MALRD1: variants seen among roughly 807,000 people sequenced by gnomAD.
MALRD1 encodes MAM and LDL receptor class A domain containing 1.
A neutral mutation model predicts 242.1 loss-of-function variants in MALRD1; 247 were observed. The observed-to-expected ratio is 1.02, with a 90% CI of 0.92 to 1.13. MALRD1 has a LOEUF of 1.13. Among genes scored for constraint, MALRD1 ranks in the 50% most tolerant of loss-of-function variants. The pLI is 0.00. For synonymous variants in MALRD1, 995 were observed against 866.6 expected, an observed-to-expected ratio of 1.15 and a Z score of -2.60; for missense variants, 2,989 against 2,533.1, an observed-to-expected ratio of 1.18 and a Z score of -3.86.
chr10:19,604,824 A>G (rs1024617970), intron 34 of MALRD1, among the ~76,000 whole-genome samples: 5 of 152,160 alleles, frequency 3.3e-5, no homozygotes, highest in African/African-American at 9.6e-5. Flanking sequence ...TAACATTTAT[A>G]TGCACTGGGA....
intron 31 of MALRD1, among the ~76,000 whole-genome samples, chr10:19,519,371 C>A (rs533148494): frequency 6.6e-6 from 1 of 152,192 alleles, no homozygotes; most frequent in Non-Finnish European, 1.5e-5. Flanking sequence ...AGGAGAATGA[C>A]AAACTATTAG....
intron 28 of MALRD1, among the ~76,000 whole-genome samples, chr10:19,402,238 C>T (rs1846889135): frequency 6.6e-6 from 1 of 152,114 alleles, no homozygotes; most frequent in African/African-American, 2.4e-5. Context: ...AAACTTGAGT[C>T]CCAGAGATTG....
At chr10:19,251,682 C>G (rs1451874857) in intron 18 of MALRD1, among the ~76,000 whole-genome samples, 1 of 151,866 alleles carries the variant, frequency 6.6e-6, no homozygotes, top group Non-Finnish European at 1.5e-5. Context: ...AATGGCAAAC[C>G]CAAATAACTA....
chr10:19,549,806 A>G (rs1835402572), intron 32 of MALRD1, among the ~76,000 whole-genome samples: 1 of 152,202 alleles, frequency 6.6e-6, no homozygotes, highest in Non-Finnish European at 1.5e-5. Flanking sequence ...TAAAGACATT[A>G]AGTAACTTGG....
At chr10:19,729,093 A>G (rs539883705) in intron 38 of MALRD1, among the ~76,000 whole-genome samples, 27 of 152,300 alleles carry the variant, frequency 1.8e-4, no homozygotes, top group Admixed American at 5.2e-4. Flanking sequence ...CATTTAATCT[A>G]TTGTATATTT....
chr10:19,564,405 A>C (rs1035294455), intron 32 of MALRD1, among the ~76,000 whole-genome samples: 3 of 152,122 alleles, frequency 2.0e-5, no homozygotes. Context: ...TATAAGCAGT[A>C]GCTTTGATCA....
chr10:19,349,175 G>A (rs1196823049), intron 25 of MALRD1, among the ~76,000 whole-genome samples: 1 of 152,096 alleles, frequency 6.6e-6, no homozygotes, highest in Non-Finnish European at 1.5e-5. Context: ...TGCCCAGGCT[G>A]GTCTCGAACT....
At position 19,167,316 on chromosome 10, in the gene MALRD1, G is replaced by A. The variant is rs998655195; in HGVS notation, c.1830+1506G>A. On this transcript the variant is annotated intron_variant, in intron 13 of 39. Transcript: ENST00000454679. ...GGAAGTTGCAGTGAGCTGACATGGC[G>A]CCACTGCACTGCAGCCTGGGCAACA... Among the ~76,000 whole-genome samples the A allele has an allele frequency of 3.4e-4, 52 of 152,200 alleles. 2 individuals carry two copies. The highest frequency in any genetic ancestry group is 8.8e-5 in the Non-Finnish European group (6 of 68,000).
chr10:19,117,547 A>T (rs1836915452), intron 5 of MALRD1, among the ~76,000 whole-genome samples: 1 of 152,188 alleles, frequency 6.6e-6, no homozygotes, highest in African/African-American at 2.4e-5. Context: ...TAGGGACAGA[A>T]GATTTGTAGC....
Position 19,223,236 on chromosome 10 carries a change from A to G in MALRD1, c.2991+13556A>G, listed in dbSNP as rs192351010. Among the ~76,000 whole-genome samples, 9 of 152,200 alleles carry G rather than the reference A, an allele frequency of 5.9e-5. No individual in the cohort carries two copies. In the South Asian group the frequency reaches 8.4e-4, roughly 14 times the overall value. ...ATTTCAAGGTCTGAAAAGAAATTCA[A>G]TGTTCCTGGTGGTAACAAAATTGCC... On this transcript the variant is annotated intron_variant, in intron 18 of 39. Coordinates refer to ENST00000454679, the MANE Select transcript of MALRD1 (RefSeq NM_001142308.3).
At chr10:19,646,848 A>G (rs574365265) in intron 36 of MALRD1, among the ~76,000 whole-genome samples, 1 of 152,318 alleles carries the variant, frequency 6.6e-6, no homozygotes, top group East Asian at 1.9e-4. Flanking sequence ...TTGTGACAGA[A>G]GAAAGGGACA....
intron 21 of MALRD1, among the ~76,000 whole-genome samples, chr10:19,284,777 T>TG (rs1375169601): frequency 1.6e-5 from 1 of 62,980 alleles, no homozygotes; most frequent in Non-Finnish European, 2.8e-5. Context: ...AGTAATGGGA[T>TG]GGCTGGGTCA....
At chr10:19,279,070 T>A (rs1395766597) in intron 19 of MALRD1, among the ~76,000 whole-genome samples, 1 of 152,076 alleles carries the variant, frequency 6.6e-6, no homozygotes, top group Non-Finnish European at 1.5e-5. Context: ...CGGCCTAGGC[T>A]CCAGAGTTGG....
At chr10:19,427,491 C>CT (rs1833946179) in intron 28 of MALRD1, among the ~76,000 whole-genome samples, 1 of 152,188 alleles carries the variant, frequency 6.6e-6, no homozygotes, top group South Asian at 2.1e-4. Context: ...CTAACACTGG[C>CT]TTAAACCATG....
chr10:19,080,825 AC>A (rs1217192424), intron 2 of MALRD1, among the ~76,000 whole-genome samples: 1 of 152,118 alleles, frequency 6.6e-6, no homozygotes, highest in Non-Finnish European at 1.5e-5. Context: ...ATCAGAGTGA[AC>A]AGAAAACCTA....
intron 28 of MALRD1, among the ~76,000 whole-genome samples, chr10:19,414,580 C>G (rs545159767): frequency 2.0e-5 from 3 of 152,012 alleles, no homozygotes; most frequent in Non-Finnish European, 4.4e-5. Context: ...ACAGCTGTGT[C>G]CAGAAAGATG....
intron 18 of MALRD1, among the ~76,000 whole-genome samples, chr10:19,256,114 A>G (rs952922671): frequency 1.3e-5 from 2 of 152,062 alleles, no homozygotes; most frequent in South Asian, 4.1e-4. Flanking sequence ...CTTCTCATTA[A>G]TAAGATAATG....
intron 21 of MALRD1, among the ~76,000 whole-genome samples, chr10:19,293,735 C>A (rs920960888): frequency 6.6e-6 from 1 of 152,048 alleles, no homozygotes; most frequent in African/African-American, 2.4e-5. Flanking sequence ...AAGGGAACAA[C>A]AAACACTGTG....
chr10:19,076,170 T>A (rs1835311222), intron 2 of MALRD1, among the ~76,000 whole-genome samples: 1 of 152,010 alleles, frequency 6.6e-6, no homozygotes, highest in South Asian at 2.1e-4. Flanking sequence ...ATGCCAAAAA[T>A]TAAGGATCTG....
Sources: gnomAD v4.1 joint callset for allele counts (sites outside exome capture counted in the v4.1 genomes callset) on GRCh38, gnomAD v4.1.1 for gene constraint, MANE v1.5 for transcripts, NCBI Gene and HGNC (gene_info 2026-07-23, HGNC 2026-07-21) for gene names.